The following FAM184A variants were observed in gnomAD, a reference collection of about 807,000 sequenced individuals.
The protein encoded by FAM184A is protein FAM184A.
FAM184A carries 99 observed loss-of-function variants against 143.8 expected under a neutral mutation model. The ratio of observed to expected loss-of-function variants is 0.69; its 90% CI spans 0.58 to 0.81. The LOEUF is 0.81. Ranked by LOEUF, FAM184A falls within the 40% of genes least tolerant of loss-of-function variation. The pLI, the probability that FAM184A is intolerant of heterozygous loss-of-function variation, is 0.00. For synonymous variants in FAM184A, 427 were observed against 446.4 expected (o/e 0.96, Z 0.55); for missense variants, 1,217 against 1,310.5 (o/e 0.93, Z 1.10).
At chr6:119,087,699 C>T (rs1313359331) in intron 1 of FAM184A, among the ~76,000 whole-genome samples, 1 of 152,142 alleles carries the variant, frequency 6.6e-6, no homozygotes, top group Non-Finnish European at 1.5e-5. Flanking sequence ...GCTGGTTCCT[C>T]AGAAAATTGA....
intron 1 of FAM184A, among the ~76,000 whole-genome samples, chr6:119,108,669 C>T (rs2114844916): frequency 6.6e-6 from 1 of 152,170 alleles, no homozygotes; most frequent in Non-Finnish European, 1.5e-5. Flanking sequence ...TGGGTTGGTT[C>T]CCTCTTTGGA....
chr6:119,038,624 G>A (rs7768159), intron 1 of FAM184A, among the ~76,000 whole-genome samples: 1,942 of 152,264 alleles, frequency 0.013, 37 homozygotes, highest in African/African-American at 0.044. Context: ...CCCTTGTTTA[G>A]CATATCATCA....
At chr6:118,970,008 A>ATATATTTTTTTT in intron 14 of FAM184A, among the ~76,000 whole-genome samples, 2 of 19,052 alleles carry the variant, frequency 1.0e-4, no homozygotes, top group South Asian at 3.4e-3. Context: ...ATATATATAT[A>ATATATTTTTTTT]TTTTTTTTTT....
At chr6:119,138,688 G>T (rs1172966388) in intron 1 of FAM184A, among the ~76,000 whole-genome samples, 1 of 151,994 alleles carries the variant, frequency 6.6e-6, no homozygotes, top group Admixed American at 6.6e-5. Flanking sequence ...GTGCAATGGG[G>T]CGATCTTGGC....
Position 118,961,789 on chromosome 6 carries a change from G to T in FAM184A, c.3313C>A (p.Pro1105Thr). ...AAAAATGTCTTGGGCCCTTTAGGTG[G>T]CACTGGCTGTGGAAGTGGTTTGCTG... ...NSSKPLPQPV[P>T]PKGPKTFLSP... The change falls in exon 17 of 18, where the codon CCA becomes ACA. Residue 1105 changes from proline to threonine, a missense_variant. Transcript: ENST00000338891. The T allele has an allele frequency of 6.2e-7, 1 of 1,613,874 alleles. No individual in the cohort carries two copies. The highest frequency in any genetic ancestry group is 8.5e-7 in the Non-Finnish European group (1 of 1,179,846).
In FAM184A at chr6:118,993,728, G is replaced by A. The variant is rs898142717; in HGVS notation, c.2088+9171C>T. ...TAAAAAGAAAACATATTATTTGTCC[G>A]GAAAATATAAATCTGAACACAGAAA... On this transcript the variant is annotated intron_variant, in intron 9 of 17. Transcript: ENST00000338891. Among the ~76,000 whole-genome samples the A allele has an allele frequency of 5.9e-5, 9 of 152,234 alleles. No individual in the cohort carries two copies. The South Asian group carries it at 1.2e-3, about 21-fold the overall frequency.
At chr6:119,120,841 TTTCTTTC>T (rs1789192969) in intron 1 of FAM184A, among the ~76,000 whole-genome samples, 2 of 137,294 alleles carry the variant, frequency 1.5e-5, no homozygotes, top group African/African-American at 6.2e-5. Context: ...TCTTTCTTTC[TTTCTTTC>T]TTTTTTTTTT....
intron 1 of FAM184A, among the ~76,000 whole-genome samples, chr6:119,029,064 A>G (rs1562480494): frequency 6.6e-6 from 1 of 152,192 alleles, no homozygotes; most frequent in Admixed American, 6.5e-5. Flanking sequence ...AAACAAGCCA[A>G]CCAGCCAGAG....
intron 1 of FAM184A, among the ~76,000 whole-genome samples, chr6:119,110,757 A>C (rs938391082): frequency 5.9e-5 from 9 of 152,232 alleles, no homozygotes; most frequent in Admixed American, 5.2e-4. Context: ...TTCACAATTA[A>C]AGTACTCCTT....
chr6:119,019,653 A>G (rs1284971440), intron 4 of FAM184A, among the ~76,000 whole-genome samples: 1 of 152,244 alleles, frequency 6.6e-6, no homozygotes, highest in African/African-American at 2.4e-5. Context: ...ATGCAGTAAT[A>G]TATTTCATTA....
At chr6:119,011,979 C>CT (rs1222169606) in intron 5 of FAM184A, among the ~76,000 whole-genome samples, 2 of 152,154 alleles carry the variant, frequency 1.3e-5, no homozygotes, top group African/African-American at 4.8e-5. Flanking sequence ...CCTTAATAAG[C>CT]TCATGGTATC....
chr6:119,081,756 C>G (rs1788073162), upstream of FAM184A, among the ~76,000 whole-genome samples: 1 of 152,196 alleles, frequency 6.6e-6, no homozygotes. Flanking sequence ...TCCAACTGCC[C>G]CAGTCAAACT....
chr6:119,023,574 G>T (rs1785527766), intron 2 of FAM184A, among the ~76,000 whole-genome samples: 1 of 105,536 alleles, frequency 9.5e-6, no homozygotes, highest in African/African-American at 3.7e-5. Flanking sequence ...CCCAGGAACA[G>T]CGTATTACCT....
At position 119,109,658 on chromosome 6, in the gene FAM184A, C is replaced by T. The variant is rs563399021; in HGVS notation, c.-202+39420G>A. The stretch of plus-strand genomic sequence containing the variant: ...ATTATAACATTGTGGCAAAATCTGA[C>T]GAATTGAAGCTGTTAATGAACAGAG... On this transcript the variant is annotated intron_variant, in intron 1 of 16. Coordinates refer to the FAM184A transcript ENST00000352896. Among the ~76,000 whole-genome samples the T allele has an allele frequency of 7.5e-4, 114 of 152,258 alleles. 1 individual carries two copies. Among genetic ancestry groups the T allele is most frequent in the Non-Finnish European group, 1.4e-3 (95 of 68,008 alleles).
intron 9 of FAM184A, among the ~76,000 whole-genome samples, chr6:118,998,352 T>C (rs1784637708): frequency 6.6e-6 from 1 of 152,252 alleles, no homozygotes; most frequent in Non-Finnish European, 1.5e-5. Flanking sequence ...CTCATTCTGT[T>C]CACTCTATTC....
intron 1 of FAM184A, among the ~76,000 whole-genome samples, chr6:119,077,170 C>T (rs1409041392): frequency 6.6e-6 from 1 of 152,152 alleles, no homozygotes; most frequent in African/African-American, 2.4e-5. Context: ...AAAGTGCCAA[C>T]CAGCAATGGG....
chr6:119,091,470 C>A (rs1788365405), intron 1 of FAM184A, among the ~76,000 whole-genome samples: 1 of 152,192 alleles, frequency 6.6e-6, no homozygotes, highest in Admixed American at 6.5e-5. Context: ...TTTATCAGTT[C>A]AGCAACTTGT....
intron 1 of FAM184A, among the ~76,000 whole-genome samples, chr6:119,123,555 A>G (rs1443012058): frequency 6.6e-6 from 1 of 152,170 alleles, no homozygotes; most frequent in Admixed American, 6.5e-5. Context: ...GAAAGTGTTG[A>G]GTTCTGTTAG....
intron 1 of FAM184A, among the ~76,000 whole-genome samples, chr6:119,031,160 CATG>C (rs888187649): frequency 6.6e-6 from 1 of 152,060 alleles, no homozygotes; most frequent in Non-Finnish European, 1.5e-5. Context: ...CTAGGTTTAA[CATG>C]ATACTTAGGT....
Sources: gnomAD v4.1 joint callset for allele counts (sites outside exome capture counted in the v4.1 genomes callset) on GRCh38, gnomAD v4.1.1 for gene constraint, MANE v1.5 for transcripts, NCBI Gene and HGNC (gene_info 2026-07-23, HGNC 2026-07-21) for gene names.